Variants in CAMK1 observed in about 807,000 individuals in gnomAD.
The protein encoded by CAMK1 is calcium/calmodulin dependent protein kinase I, also known as calcium/calmodulin-dependent protein kinase type 1.
CAMK1 carries 39 observed loss-of-function variants against 49.1 expected under a neutral mutation model. The ratio of observed to expected loss-of-function variants is 0.79; its 90% CI spans 0.62 to 1.04. The LOEUF (loss-of-function observed/expected upper bound fraction) is 1.04. CAMK1 is among the 50% of genes least tolerant of loss of function. CAMK1 has a pLI of 0.00. For missense variants in CAMK1, 457 were observed against 472.2 expected, an observed-to-expected ratio of 0.97 and a Z score of 0.30; for synonymous variants, 192 against 185.2, an observed-to-expected ratio of 1.04 and a Z score of -0.30.
At chr3:9,759,050 ACCTGCTTCTCTAAATTGGGCT>A in intron 10 of CAMK1, 1 of 772,092 alleles carries the variant, frequency 1.3e-6, no homozygotes, top group South Asian at 1.4e-5. Flanking sequence ...CTGGCCCCTT[ACCTGCTTCTCTAAATTGGGCT>A]CCTGCCTCTC....
In CAMK1 at chr3:9,767,783, T is replaced by G. The variant is rs770644574; in HGVS notation, c.-32-2A>C. Reference sequence around the variant, plus strand: ...GCCCCCCGACCACAGCCAGGGCTCCTGTAAGGAGAATGGAAGGAGGAGACT... The same window carrying G: ...GCCCCCCGACCACAGCCAGGGCTCCGGTAAGGAGAATGGAAGGAGGAGACT... On this transcript the variant is annotated splice_acceptor_variant, in intron 1 of 11. Transcript: ENST00000256460. LOFTEE classifies it low-confidence loss of function (5UTR_SPLICE). 1 of 1,612,772 alleles carries G rather than the reference T, an allele frequency of 6.2e-7. No homozygotes were observed. The highest frequency in any genetic ancestry group is 1.7e-5 in the Admixed American group (1 of 59,998).
At chr3:9,762,826 G>A in intron 5 of CAMK1, 88 bp downstream of exon 5, 2 of 1,341,572 alleles carry the variant, frequency 1.5e-6, no homozygotes, top group African/African-American at 1.4e-5. Flanking sequence ...CAGTGAGGGG[G>A]TGAAAGTTGC....
chr3:9,764,033 C>T (rs1473630337), intron 3 of CAMK1, among the ~76,000 whole-genome samples: 1 of 152,170 alleles, frequency 6.6e-6, no homozygotes, highest in African/African-American at 2.4e-5. Flanking sequence ...TGTTTGTCAG[C>T]CTCCCCCACC....
At chr3:9,764,356 A>G (rs1324451853) in intron 3 of CAMK1, among the ~76,000 whole-genome samples, 2 of 152,078 alleles carry the variant, frequency 1.3e-5, no homozygotes, top group Non-Finnish European at 2.9e-5. Flanking sequence ...AGTGTTGCCC[A>G]GGCTGGAGTG....
intron 1 of CAMK1, among the ~76,000 whole-genome samples, chr3:9,769,480 T>A (rs1233249835): frequency 2.0e-5 from 3 of 151,788 alleles, no homozygotes; most frequent in Non-Finnish European, 4.4e-5. Context: ...ACACACAGAT[T>A]CCCAGATCCT....
chr3:9,759,271 T>A, intron 10 of CAMK1: 1 of 1,613,676 alleles, frequency 6.2e-7, no homozygotes, highest in Non-Finnish European at 8.5e-7. Context: ...ACAGACTTCT[T>A]CCTCTAGACT....
In CAMK1 at chr3:9,760,640, G is replaced by A. The variant is rs760612412; in HGVS notation, c.745+16C>T. ...CAGAGGCAGGGCCCAGGGGAAAAAA[G>A]CAAAGCCCCAAATACCAGAGTCAGA... On this transcript the variant is annotated intron_variant, in intron 8 of 11. Transcript: ENST00000256460. 8 of 1,613,358 alleles carry A rather than the reference G, an allele frequency of 5.0e-6. No individual in the cohort carries two copies. In the Admixed American group the frequency reaches 1.0e-4, roughly 20 times the overall value.
At chr3:9,767,856 A>C in intron 1 of CAMK1, 75 bp from the exon 2 acceptor site, 1 of 1,516,244 alleles carries the variant, frequency 6.6e-7, no homozygotes, top group Non-Finnish European at 8.8e-7. Context: ...GGCCCCATTC[A>C]GTCATTCAAC....
At position 9,763,179 on chromosome 3, in the gene CAMK1, T is replaced by A. The variant is rs1347191149; in HGVS notation, c.250A>T (p.Ile84Phe). 6.2e-7 allele frequency: 1 copy of A among 1,613,938 alleles called. No homozygotes were observed. The highest frequency in any genetic ancestry group is 8.5e-7 in the Non-Finnish European group (1 of 1,180,010). Residue 84 changes from isoleucine to phenylalanine, a missense_variant, in exon 4 of 12, where the codon ATC (isoleucine) becomes TTC (phenylalanine). Physicochemically the swap from Ile to Phe is conservative, Grantham distance 21 (BLOSUM62 0). Transcript: ENST00000256460. ...TAGAGGTGGCCCCCACTCTCATAGATGTCATCCAGGGCTACAATGTTGGGG... is the reference window on the plus strand; with the variant it reads ...TAGAGGTGGCCCCCACTCTCATAGAAGTCATCCAGGGCTACAATGTTGGGG... ...KHPNIVALDD[I>F]YESGGHLYLI...
At position 9,757,424 on chromosome 3, in the gene CAMK1, A is replaced by G. The variant is rs756295201; in HGVS notation, c.*115T>C. 1.2e-6 allele frequency: 2 copies of G among 1,608,522 alleles called. No homozygotes were observed. Among genetic ancestry groups the G allele is most frequent in the Non-Finnish European group, 1.7e-6 (2 of 1,176,964 alleles). On this transcript the variant is annotated 3_prime_UTR_variant, in exon 12 of 12. Coordinates refer to ENST00000256460, the MANE Select transcript of CAMK1 (RefSeq NM_003656.5). This position sits in a 1 kb window ranked among gnomAD's most constrained non-coding sequence, Gnocchi z 4.5. ...TATGGAAAATGCAGTGAGGAGTGGT[A>G]GGGAAGCAGGTGAGGAGGGGACAGG...
intron 1 of CAMK1, among the ~76,000 whole-genome samples, chr3:9,769,104 C>G (rs1432504437): frequency 1.3e-5 from 2 of 152,082 alleles, no homozygotes; most frequent in African/African-American, 4.8e-5. Context: ...TCCCAGACAT[C>G]AGCACACATG....
chr3:9,763,593 G>C (rs1410246476), intron 3 of CAMK1, among the ~76,000 whole-genome samples: 1 of 152,058 alleles, frequency 6.6e-6, no homozygotes, highest in Non-Finnish European at 1.5e-5. Flanking sequence ...CTGGGCTCTG[G>C]CATACACAGA....
intron 10 of CAMK1, chr3:9,759,269 C>A (rs2077733756): frequency 1.2e-6 from 2 of 1,613,868 alleles, no homozygotes; most frequent in Non-Finnish European, 1.7e-6. Flanking sequence ...TTACAGACTT[C>A]TTCCTCTAGA....
At position 9,760,728 on chromosome 3, in the gene CAMK1, T is replaced by C. The variant is rs1452502107; in HGVS notation, c.673A>G (p.Lys225Glu). 6 of 1,613,952 alleles carry C rather than the reference T, an allele frequency of 3.7e-6. No individual in the cohort carries two copies. The highest frequency in any genetic ancestry group is 5.1e-6 in the Non-Finnish European group (6 of 1,179,982). The change falls in exon 8 of 12, where the codon AAA (lysine) becomes GAA (glutamate). Residue 225 changes from lysine to glutamate, a missense_variant. By Grantham distance (56) the Lys-to-Glu change is moderately conservative. Transcript: ENST00000256460. Reference sequence around the variant, plus strand: ...GCCTTCAAAATCTGTTCAAAGAGTTTGGCATCATTCTCGTCATAGAAGGGA... The same window carrying C: ...GCCTTCAAAATCTGTTCAAAGAGTTCGGCATCATTCTCGTCATAGAAGGGA... ...YPPFYDENDA[K>E]LFEQILKAEY...
Position 9,757,919 on chromosome 3 carries a change from A to C in CAMK1, c.913-73T>G, listed in dbSNP as rs2077662918. 1 of 1,523,000 alleles carries C rather than the reference A, an allele frequency of 6.6e-7. No individual in the cohort carries two copies. The allele number at this position is 1,523,000 out of a possible 1,614,324, so 94.3% of individuals were successfully genotyped here. ...GAGTCAAGTCATGGGGCAGGGGCGC[A>C]GTGGGATTCTTGCAATTGTTCTGTT... On this transcript the variant is annotated intron_variant, in intron 10 of 11. Coordinates refer to ENST00000256460, the MANE Select transcript of CAMK1 (RefSeq NM_003656.5). The surrounding 1 kb of genome is among the most constrained non-coding windows in gnomAD (Gnocchi z 4.5).
chr3:9,759,593 G>C lies in CAMK1; in HGVS notation c.825-18C>G, dbSNP rs761538555. The C allele has an allele frequency of 6.2e-7, 1 of 1,614,140 alleles. No homozygotes were observed. The highest frequency in any genetic ancestry group is 8.5e-7 in the Non-Finnish European group (1 of 1,180,024). The stretch of plus-strand genomic sequence containing the variant: ...CTGCAATCCTAGGATGGGGTTATGT[G>C]GTGGGTTGCCTATGAGGGCAGAAGC... On this transcript the variant is annotated intron_variant, in intron 9 of 11. Transcript: ENST00000256460.
intron 3 of CAMK1, among the ~76,000 whole-genome samples, chr3:9,765,434 G>C (rs1040464111): frequency 1.3e-5 from 2 of 152,132 alleles, no homozygotes; most frequent in African/African-American, 4.8e-5. Context: ...AGGGGAACTT[G>C]AGGTAGGTCC....
chr3:9,759,140 A>C, intron 10 of CAMK1: 2 of 1,441,602 alleles, frequency 1.4e-6, no homozygotes, highest in Non-Finnish European at 2.0e-6. Flanking sequence ...CGGAATGGCT[A>C]TAGACATTAT....
chr3:9,764,143 A>C (rs1005044728), intron 3 of CAMK1, among the ~76,000 whole-genome samples: 1 of 152,166 alleles, frequency 6.6e-6, no homozygotes, highest in African/African-American at 2.4e-5. Flanking sequence ...ACCTCTCTGA[A>C]CCTCAGTTTC....
Sources: allele counts gnomAD v4.1 joint callset (sites outside exome capture counted in the v4.1 genomes callset), GRCh38; gene constraint gnomAD v4.1.1; non-coding constraint Gnocchi (gnomAD v3.1); transcripts MANE v1.5; gene names NCBI Gene and HGNC (gene_info 2026-07-23, HGNC 2026-07-21).